The following RUNX1 variants were observed in gnomAD, a reference collection of about 807,000 sequenced individuals.
RUNX1 encodes runt-related transcription factor 1.
RUNX1 carries 19 observed loss-of-function variants against 42.8 expected under a neutral mutation model. The ratio of observed to expected loss-of-function variants is 0.44; its 90% CI spans 0.31 to 0.65. The LOEUF is 0.65. Among genes scored for constraint, RUNX1 ranks in the 30% least tolerant of loss-of-function variants. The probability of loss-of-function intolerance (pLI) is 0.07; values close to 1 mark genes in which losing one functional copy is unlikely to be tolerated. For synonymous variants in RUNX1, 271 were observed against 289.4 expected, an observed-to-expected ratio of 0.94 and a Z score of 0.64; for missense variants, 528 against 672.0, an observed-to-expected ratio of 0.79 and a Z score of 2.37.
intron 2 of RUNX1, among the ~76,000 whole-genome samples, chr21:34,985,336 A>G (rs1015404611): frequency 6.6e-6 from 1 of 152,216 alleles, no homozygotes; most frequent in African/African-American, 2.4e-5. Flanking sequence ...TCGGGGCAGA[A>G]CTAGGTTTGT....
intron 7 of RUNX1, among the ~76,000 whole-genome samples, chr21:34,827,478 T>G (rs963935909): frequency 2.6e-5 from 4 of 152,140 alleles, no homozygotes; most frequent in Non-Finnish European, 1.5e-5. Context: ...CCAAAGAGAT[T>G]AGTATGAATG....
At chr21:34,889,626 G>T (rs938698494) in intron 3 of RUNX1, 17 of 1,077,000 alleles carry the variant, frequency 1.6e-5, no homozygotes, top group Non-Finnish European at 1.2e-5. Flanking sequence ...AGCGGCCCCC[G>T]CTCCTCTCCC....
intron 2 of RUNX1, among the ~76,000 whole-genome samples, chr21:34,899,925 G>A (rs185891625): frequency 4.6e-5 from 7 of 152,284 alleles, no homozygotes; most frequent in African/African-American, 1.7e-4. Flanking sequence ...CTGGATGATT[G>A]CTTGAGCACA....
At chr21:35,003,393 G>A (rs1384075217) in intron 2 of RUNX1, among the ~76,000 whole-genome samples, 1 of 152,170 alleles carries the variant, frequency 6.6e-6, no homozygotes, top group East Asian at 1.9e-4. Flanking sequence ...GGTAATGGGA[G>A]ACTCCCACAA....
chr21:34,851,878 C>T (rs1266669191), intron 6 of RUNX1, among the ~76,000 whole-genome samples: 1 of 152,186 alleles, frequency 6.6e-6, no homozygotes, highest in Non-Finnish European at 1.5e-5. Flanking sequence ...TAGAAAATCT[C>T]AGTGGTGGCC....
intron 6 of RUNX1, among the ~76,000 whole-genome samples, chr21:34,848,170 C>T (rs972050740): frequency 6.6e-6 from 1 of 152,216 alleles, no homozygotes; most frequent in African/African-American, 2.4e-5. Flanking sequence ...ATATCATACT[C>T]CTGGTTTTAT....
At chr21:34,842,448 T>C (rs556836785) in intron 6 of RUNX1, among the ~76,000 whole-genome samples, 1 of 122,800 alleles carries the variant, frequency 8.1e-6, no homozygotes, top group Non-Finnish European at 1.6e-5. Flanking sequence ...TAAGCCAAGA[T>C]CGCTCCACTG....
intron 2 of RUNX1, among the ~76,000 whole-genome samples, chr21:34,973,186 G>A (rs531251353): frequency 6.6e-6 from 1 of 152,204 alleles, no homozygotes; most frequent in Non-Finnish European, 1.5e-5. Flanking sequence ...GGAGGAGGCA[G>A]ATGTAGGAAT....
At chr21:35,038,601 C>CTGTGTGTG (rs1210791673) in intron 2 of RUNX1, 2 of 336,820 alleles carry the variant, frequency 5.9e-6, no homozygotes, top group African/African-American at 5.1e-5. Flanking sequence ...CTCTCTCTCT[C>CTGTGTGTG]TCTCTCTCTC....
chr21:34,869,520 C>A (rs767536238), intron 5 of RUNX1, among the ~76,000 whole-genome samples: 1 of 152,160 alleles, frequency 6.6e-6, no homozygotes, highest in Non-Finnish European at 1.5e-5. Flanking sequence ...TCGGTGTAAT[C>A]TAGAGTTCAG....
chr21:34,920,549 T>C (rs992918189), intron 2 of RUNX1, among the ~76,000 whole-genome samples: 4 of 152,230 alleles, frequency 2.6e-5, no homozygotes, highest in African/African-American at 9.6e-5. Flanking sequence ...TGGGAACACC[T>C]GGAAAGATCT....
intron 2 of RUNX1, among the ~76,000 whole-genome samples, chr21:34,908,577 G>C (rs921680369): frequency 7.1e-6 from 1 of 140,990 alleles, no homozygotes; most frequent in East Asian, 2.2e-4. Context: ...TTTGTGGACA[G>C]GGGGGTCGGG....
At position 35,046,144 on chromosome 21, in the gene RUNX1, C is replaced by T. The variant is rs146740248; in HGVS notation, c.58+2698G>A. ...TGTGATAATTCCAGGGAATTTCAAT[C>T]GCATCTTGTCTTCCTTCCTAAGCAA... On this transcript the variant is annotated intron_variant, in intron 2 of 8. Coordinates refer to ENST00000675419, the MANE Select transcript of RUNX1 (RefSeq NM_001754.5). Among the ~76,000 whole-genome samples, 71 of 152,228 alleles carry T rather than the reference C, an allele frequency of 4.7e-4. No individual in the cohort carries two copies. The East Asian group carries it at 0.011, about 24-fold the overall frequency.
intron 2 of RUNX1, among the ~76,000 whole-genome samples, chr21:34,985,770 AC>A (rs2058881489): frequency 6.6e-6 from 1 of 151,278 alleles, no homozygotes; most frequent in Non-Finnish European, 1.5e-5. Context: ...TAGTCATTTC[AC>A]TGCCACCAAC....
intron 7 of RUNX1, among the ~76,000 whole-genome samples, chr21:34,814,627 A>G (rs1418601980): frequency 6.6e-6 from 1 of 152,232 alleles, no homozygotes; most frequent in Non-Finnish European, 1.5e-5. Flanking sequence ...AGCACATGCC[A>G]GACAGCAATG....
At chr21:34,873,793 C>T (rs1157651263) in intron 5 of RUNX1, among the ~76,000 whole-genome samples, 2 of 152,216 alleles carry the variant, frequency 1.3e-5, no homozygotes, top group Non-Finnish European at 2.9e-5. Flanking sequence ...GCTCTGTCTT[C>T]AACAGAGATC....
chr21:34,991,761 A>T (rs2058943525), intron 2 of RUNX1, among the ~76,000 whole-genome samples: 1 of 152,144 alleles, frequency 6.6e-6, no homozygotes, highest in Admixed American at 6.5e-5. Context: ...TCAGAATGTG[A>T]CCTTATTTGG....
chr21:34,915,147 G>C (rs181618617), intron 2 of RUNX1, among the ~76,000 whole-genome samples: 2 of 152,238 alleles, frequency 1.3e-5, no homozygotes, highest in African/African-American at 4.8e-5. Flanking sequence ...AATAGGACTT[G>C]AACTTTTTTT....
In RUNX1 at chr21:34,861,769, C is replaced by T. The variant is rs116951335; in HGVS notation, c.509-2191G>A. ...CTTCCTGCCCTTCAGCATCTGGCAACGGGCAGTCACTCAGTCACTTGTTTT... is the reference window on the plus strand; with the variant it reads ...CTTCCTGCCCTTCAGCATCTGGCAATGGGCAGTCACTCAGTCACTTGTTTT... On this transcript the variant is annotated intron_variant, in intron 5 of 8. Coordinates refer to ENST00000675419, the MANE Select transcript of RUNX1 (RefSeq NM_001754.5). Among the ~76,000 whole-genome samples the T allele has an allele frequency of 3.3e-3, 501 of 152,294 alleles. 4 individuals carry two copies. Among genetic ancestry groups the T allele is most frequent in the Non-Finnish European group, 5.0e-3 (338 of 68,022 alleles).
Sources: gnomAD v4.1 joint callset for allele counts (sites outside exome capture counted in the v4.1 genomes callset) on GRCh38, gnomAD v4.1.1 for gene constraint, MANE v1.5 for transcripts, NCBI Gene and HGNC (gene_info 2026-07-23, HGNC 2026-07-21) for gene names.